ADK: variants seen among roughly 807,000 people sequenced by gnomAD.
ADK encodes the protein adenosine kinase.
Under a neutral mutation model 44.7 loss-of-function variants are expected in ADK, and 24 were observed. The observed-to-expected ratio is 0.54, with a 90% CI of 0.39 to 0.76. ADK has a LOEUF of 0.76. Among genes scored for constraint, ADK ranks in the 30% least tolerant of loss-of-function variants. The pLI, the probability that ADK is intolerant of heterozygous loss-of-function variation, is 0.00. For missense variants in ADK, 321 were observed against 425.1 expected, an observed-to-expected ratio of 0.76 and a Z score of 2.15; for synonymous variants, 128 against 142.6, an observed-to-expected ratio of 0.90 and a Z score of 0.73.
At chr10:74,226,228 G>A (rs369181789) in intron 3 of ADK, among the ~76,000 whole-genome samples, 3 of 151,672 alleles carry the variant, frequency 2.0e-5, no homozygotes, top group East Asian at 1.9e-4. Flanking sequence ...CTGCCTCAGC[G>A]TCCTGAGTAG....
chr10:74,668,425 A>T (rs1399983490), intron 9 of ADK, among the ~76,000 whole-genome samples: 1 of 152,160 alleles, frequency 6.6e-6, no homozygotes, highest in African/African-American at 2.4e-5. Context: ...TCATGTTACA[A>T]AATGTGGAAA....
At chr10:74,334,391 G>T (rs1841338561) in intron 4 of ADK, among the ~76,000 whole-genome samples, 1 of 152,178 alleles carries the variant, frequency 6.6e-6, no homozygotes, top group Non-Finnish European at 1.5e-5. Flanking sequence ...CCTGAGTTCA[G>T]TGCTTCTCAT....
chr10:74,273,008 AGAG>A (rs1481739708), intron 3 of ADK, among the ~76,000 whole-genome samples: 1 of 152,182 alleles, frequency 6.6e-6, no homozygotes, highest in African/African-American at 2.4e-5. Context: ...GTGAATAATA[AGAG>A]ATGAGAGGAT....
At chr10:74,302,090 G>T (rs371963339) in intron 3 of ADK, among the ~76,000 whole-genome samples, 5 of 17,028 alleles carry the variant, frequency 2.9e-4, no homozygotes, top group African/African-American at 5.1e-4. Flanking sequence ...TTTCTTTTCT[G>T]TTTTTTTTTT....
chr10:74,351,352 C>T (rs1260043068), intron 4 of ADK, among the ~76,000 whole-genome samples: 2 of 152,142 alleles, frequency 1.3e-5, no homozygotes, highest in Non-Finnish European at 2.9e-5. Flanking sequence ...CAGAGAAGTC[C>T]TTTGATAAAA....
At chr10:74,481,612 T>G (rs1847076704) in intron 6 of ADK, among the ~76,000 whole-genome samples, 1 of 152,224 alleles carries the variant, frequency 6.6e-6, no homozygotes, top group Non-Finnish European at 1.5e-5. Flanking sequence ...ATGAATTTTG[T>G]CCATGCATTT....
At chr10:74,296,945 T>A (rs912222159) in intron 3 of ADK, among the ~76,000 whole-genome samples, 4 of 152,124 alleles carry the variant, frequency 2.6e-5, no homozygotes, top group African/African-American at 4.8e-5. Context: ...GAACTATGTG[T>A]ATAAAGATGT....
chr10:74,338,241 A>G (rs1027299669), intron 4 of ADK, among the ~76,000 whole-genome samples: 2 of 152,240 alleles, frequency 1.3e-5, no homozygotes, highest in African/African-American at 4.8e-5. Flanking sequence ...ACTATAAGAT[A>G]CTGCTGCATA....
intron 4 of ADK, among the ~76,000 whole-genome samples, chr10:74,329,048 A>C (rs1025104976): frequency 6.7e-6 from 1 of 149,706 alleles, no homozygotes; most frequent in South Asian, 2.1e-4. Context: ...CTAGAACTTA[A>C]AGTATAATAA....
At chr10:74,667,358 G>C (rs1425836869) in intron 9 of ADK, among the ~76,000 whole-genome samples, 1 of 151,510 alleles carries the variant, frequency 6.6e-6, no homozygotes, top group Non-Finnish European at 1.5e-5. Flanking sequence ...AGTATAAAAA[G>C]GTAGAAAATA....
Position 74,232,771 on chromosome 10 carries a change from G to A in ADK, c.194+8180G>A, listed in dbSNP as rs1039464488. ...TTCCCAAGTAGCTGGGACTATAGGC[G>A]CACGCCGCCACACCCGGCTGATTTT... On this transcript the variant is annotated intron_variant, in intron 3 of 10. Transcript: ENST00000539909. Among the ~76,000 whole-genome samples the A allele has an allele frequency of 3.9e-5, 6 of 152,020 alleles. No individual in the cohort carries two copies. The East Asian group carries it at 7.7e-4, about 20-fold the overall frequency.
chr10:74,574,237 G>A (rs1851092520), intron 7 of ADK, among the ~76,000 whole-genome samples: 1 of 148,918 alleles, frequency 6.7e-6, no homozygotes, highest in African/African-American at 2.5e-5. Flanking sequence ...TGCGATCTCA[G>A]CTCACCGCAA....
chr10:74,552,630 C>A (rs1850075387), intron 7 of ADK, among the ~76,000 whole-genome samples: 1 of 148,932 alleles, frequency 6.7e-6, no homozygotes, highest in Non-Finnish European at 1.5e-5. Context: ...TTTAAGGATA[C>A]CATTAAGATA....
At chr10:74,659,034 A>G (rs1347861799) in intron 9 of ADK, among the ~76,000 whole-genome samples, 1 of 151,968 alleles carries the variant, frequency 6.6e-6, no homozygotes, top group South Asian at 2.1e-4. Context: ...TAGGCAACAT[A>G]GGGAGGCCCA....
At chr10:74,491,464 C>T (rs1847481083) in intron 6 of ADK, among the ~76,000 whole-genome samples, 1 of 152,058 alleles carries the variant, frequency 6.6e-6, no homozygotes. Flanking sequence ...TAATGAACCC[C>T]ATCTACCCAT....
At position 74,269,242 on chromosome 10, in the gene ADK, A is replaced by G. The variant is rs1051656734; in HGVS notation, c.194+44651A>G. 3.9e-5 allele frequency among the ~76,000 whole-genome samples: 6 copies of G among 152,186 alleles called. No individual in the cohort carries two copies. The East Asian group carries it at 1.2e-3, about 29-fold the overall frequency. On this transcript the variant is annotated intron_variant, in intron 3 of 10. Coordinates refer to ENST00000539909, the MANE Select transcript of ADK (RefSeq NM_006721.4). ...TCCTTAATTGTTTTTAAACTGTTTGAACACTAGAGATTTAGTAACCTACAT... is the reference window on the plus strand; with the variant it reads ...TCCTTAATTGTTTTTAAACTGTTTGGACACTAGAGATTTAGTAACCTACAT...
intron 6 of ADK, among the ~76,000 whole-genome samples, chr10:74,401,902 G>GCTT (rs1843728239): frequency 6.6e-6 from 1 of 152,174 alleles, no homozygotes; most frequent in Admixed American, 6.5e-5. Flanking sequence ...CATGTTTAGT[G>GCTT]CTTCCTTCAG....
intron 3 of ADK, among the ~76,000 whole-genome samples, chr10:74,258,956 T>G (rs988623708): frequency 4.9e-5 from 7 of 143,622 alleles, no homozygotes; most frequent in African/African-American, 1.8e-4. Context: ...TGTTTTTTTT[T>G]TTTTTTTTTT....
intron 9 of ADK, among the ~76,000 whole-genome samples, chr10:74,623,929 T>C (rs1405281670): frequency 6.6e-6 from 1 of 152,126 alleles, no homozygotes; most frequent in Non-Finnish European, 1.5e-5. Flanking sequence ...TCAATTAGAC[T>C]CTAAAATTCA....
Sources: gnomAD v4.1 joint callset for allele counts (sites outside exome capture counted in the v4.1 genomes callset) on GRCh38, gnomAD v4.1.1 for gene constraint, MANE v1.5 for transcripts, NCBI Gene and HGNC (gene_info 2026-07-23, HGNC 2026-07-21) for gene names.